Variants in MYO9B observed in about 807,000 individuals in gnomAD.
The protein encoded by MYO9B is myosin IXB, also known as unconventional myosin-IXb.
Under a neutral mutation model 229.5 loss-of-function variants are expected in MYO9B, and 71 were observed. The observed-to-expected ratio is 0.31, with a 90% CI of 0.26 to 0.38. The LOEUF (loss-of-function observed/expected upper bound fraction) is 0.38, where lower values mean the gene tolerates loss of function less well. Ranked by LOEUF, MYO9B falls within the 10% of genes least tolerant of loss-of-function variation. The pLI is 1.00. For missense variants in MYO9B, 2,255 were observed against 2,920.5 expected, an observed-to-expected ratio of 0.77 and a Z score of 5.25; for synonymous variants, 1,185 against 1,235.8, an observed-to-expected ratio of 0.96 and a Z score of 0.86.
intron 2 of MYO9B, among the ~76,000 whole-genome samples, chr19:17,140,490 ATTTCT>A (rs1485152421): frequency 2.8e-5 from 2 of 72,598 alleles, no homozygotes; most frequent in Non-Finnish European, 4.9e-5. Flanking sequence ...TTAGGGTTAG[ATTTCT>A]TTTTTTTTTT....
intron 20 of MYO9B, among the ~76,000 whole-genome samples, chr19:17,191,920 G>A (rs1472773912): frequency 6.6e-6 from 1 of 152,032 alleles, no homozygotes; most frequent in Non-Finnish European, 1.5e-5. Context: ...TTGCACCACT[G>A]CACTTCAGCC....
chr19:17,081,286 C>G (rs1314510174), intron 1 of MYO9B, among the ~76,000 whole-genome samples: 1 of 152,170 alleles, frequency 6.6e-6, no homozygotes, highest in African/African-American at 2.4e-5. Context: ...CTCGGACTCC[C>G]AAAGTGCTGG....
intron 1 of MYO9B, among the ~76,000 whole-genome samples, chr19:17,099,775 G>A (rs918829465): frequency 7.5e-5 from 11 of 146,394 alleles, no homozygotes; most frequent in African/African-American, 1.5e-4. Flanking sequence ...CCAAGATAGC[G>A]CCACTGCAGT....
chr19:17,183,870 T>C lies in MYO9B; in HGVS notation c.2373+2T>C. ...AAACAAAAGCAGATCATTCCAAAGG[T>C]AAAAAAAAAAACACACCCCGCGCGA... On this transcript the variant is annotated splice_donor_variant, in intron 16 of 39. Transcript: ENST00000682292. LOFTEE classifies it high-confidence loss of function. The C allele has an allele frequency of 8.2e-7, 1 of 1,216,388 alleles. No individual in the cohort carries two copies. The allele number at this position is 1,216,388 out of a possible 1,614,324, so 75.3% of individuals were successfully genotyped here. A position where few individuals can be genotyped will look rare whatever the true frequency, so the allele number is the denominator to read the frequency against.
In MYO9B at chr19:17,192,807, G is replaced by A; in HGVS notation, c.2873G>A (p.Arg958Gln). ...GAGACGCTGCACCGGGAGGTGGTGCGGAAAATCCTGCTGCTGCAGAGCTGG... is the reference window on the plus strand; with the variant it reads ...GAGACGCTGCACCGGGAGGTGGTGCAGAAAATCCTGCTGCTGCAGAGCTGG... The part of the protein sequence containing the change: ...LQETLHREVV[R>Q]KILLLQSWFR... Residue 958 changes from arginine (R) to glutamine (Q), a missense_variant, in exon 21 of 40, where the codon CGG (arginine) becomes CAG (glutamine). Physicochemically the swap from Arg to Gln is conservative, Grantham distance 43. Around this residue, in one of 7 missense-constraint regions of MYO9B, gnomAD observed 679 missense variants for 770.2 expected, o/e 0.88. Coordinates refer to ENST00000682292, the MANE Select transcript of MYO9B (RefSeq NM_004145.4). The A allele has an allele frequency of 6.4e-7, 1 of 1,557,258 alleles. No individual in the cohort carries two copies. The highest frequency in any genetic ancestry group is 8.7e-7 in the Non-Finnish European group (1 of 1,151,202).
In MYO9B at chr19:17,101,562, A is replaced by G; in HGVS notation, c.-58-98A>G. 2 of 1,230,658 alleles carry G rather than the reference A, an allele frequency of 1.6e-6. No individual in the cohort carries two copies. The highest frequency in any genetic ancestry group is 2.2e-6 in the Non-Finnish European group (2 of 915,866). 76.2% of individuals were successfully genotyped at this position (1,230,658 alleles called of 1,614,324 possible). A position where few individuals can be genotyped will look rare whatever the true frequency, so the allele number is the denominator to read the frequency against. The stretch of plus-strand genomic sequence containing the variant: ...GCCTAGTCGGGTGGGGAACTCCAGC[A>G]TCGGGTCAGGTGCTATCTGCCCAGG... On this transcript the variant is annotated intron_variant, in intron 1 of 39. Transcript: ENST00000682292. The surrounding 1 kb of genome is among the most constrained non-coding windows in gnomAD (Gnocchi z 4.7).
intron 36 of MYO9B, 97 bp downstream of exon 36, chr19:17,209,806 G>T: frequency 6.9e-7 from 1 of 1,442,738 alleles, no homozygotes; most frequent in Non-Finnish European, 9.3e-7. Flanking sequence ...GGGAAGGCTG[G>T]TGAGTGGGGT....
At chr19:17,103,735 GC>G (rs894137343) in intron 2 of MYO9B, 41 of 152,074 alleles carry the variant, frequency 2.7e-4, no homozygotes, top group African/African-American at 9.9e-4. Context: ...GGTCAGCCAG[GC>G]CCCAGATGTC....
chr19:17,099,989 C>T (rs1449627646), intron 1 of MYO9B, among the ~76,000 whole-genome samples: 3 of 150,448 alleles, frequency 2.0e-5, no homozygotes, highest in African/African-American at 7.4e-5. Flanking sequence ...GGCGTGGTGG[C>T]GGGGTGCCTG....
At chr19:17,161,989 A>C (rs1252992840) in intron 8 of MYO9B, among the ~76,000 whole-genome samples, 2,255 of 141,282 alleles carry the variant, frequency 0.016, 63 homozygotes, top group African/African-American at 0.06. Context: ...CCCTGTGTCA[A>C]AAAAAAAAAA....
intron 18 of MYO9B, 22 bp downstream of exon 18, chr19:17,186,023 G>A: frequency 6.2e-7 from 1 of 1,607,136 alleles, no homozygotes; most frequent in Middle Eastern, 1.7e-4. Flanking sequence ...TAAGGTGTTT[G>A]GGAGGAGAAG....
intron 26 of MYO9B, among the ~76,000 whole-genome samples, chr19:17,201,049 G>A (rs1185379871): frequency 1.3e-5 from 2 of 152,166 alleles, no homozygotes; most frequent in East Asian, 3.8e-4. Context: ...AACCAGCCTG[G>A]GCAACAGAGA....
At chr19:17,153,889 C>T (rs1478110394) in intron 4 of MYO9B, 78 bp from the exon 5 acceptor site, 4 of 1,027,734 alleles carry the variant, frequency 3.9e-6, no homozygotes, top group Non-Finnish European at 4.6e-6. Flanking sequence ...TCTCCAAAGC[C>T]ATGTTAGTAG....
intron 18 of MYO9B, among the ~76,000 whole-genome samples, chr19:17,186,841 C>T (rs942105086): frequency 1.3e-5 from 2 of 152,134 alleles, no homozygotes; most frequent in African/African-American, 4.8e-5. Context: ...AGCCATCCTC[C>T]TGGCTCACCC....
intron 2 of MYO9B, among the ~76,000 whole-genome samples, chr19:17,128,214 T>TG (rs1051725783): frequency 2.3e-5 from 2 of 87,072 alleles, no homozygotes; most frequent in African/African-American, 1.1e-4. Flanking sequence ...CTATCTATAC[T>TG]GAAAAAAAAA....
rs1463479226 is a variant in MYO9B, at chr19:17,172,737, G to T, written c.1936-22G>T. Reference sequence around the variant, plus strand: ...GGTGAGTGACTATCCCCGAGTGACCGCCCACATCCATCCCCCACCAGGACT... The same window carrying T: ...GGTGAGTGACTATCCCCGAGTGACCTCCCACATCCATCCCCCACCAGGACT... On this transcript the variant is annotated intron_variant, in intron 12 of 39. Transcript: ENST00000682292. The surrounding 1 kb of genome is among the most constrained non-coding windows in gnomAD (Gnocchi z 8.2). The T allele has an allele frequency of 6.2e-7, 1 of 1,611,672 alleles. No homozygotes were observed. The highest frequency in any genetic ancestry group is 1.7e-5 in the Admixed American group (1 of 60,006).
At chr19:17,076,744 A>T (rs2057488791) in intron 1 of MYO9B, among the ~76,000 whole-genome samples, 1 of 152,060 alleles carries the variant, frequency 6.6e-6, no homozygotes, top group South Asian at 2.1e-4. Context: ...GATTCCCTGG[A>T]TCCAAGGAAG....
At chr19:17,181,662 T>G (rs2072862490) in intron 15 of MYO9B, among the ~76,000 whole-genome samples, 1 of 152,224 alleles carries the variant, frequency 6.6e-6, no homozygotes, top group Admixed American at 6.5e-5. Context: ...ACATCTCGCC[T>G]TTTAGTGGCC....
chr19:17,077,846 G>A lies in MYO9B; in HGVS notation c.-59+1972G>A, dbSNP rs78440022. ...ATCCAAAAATGATTTTTTTTCAACC[G>A]CTTCTTCATCGTCCAAATAGAAAAT... is the stretch of plus-strand genomic sequence containing the variant. On this transcript the variant is annotated intron_variant, in intron 1 of 39. Transcript: ENST00000682292. 3.3e-4 allele frequency among the ~76,000 whole-genome samples: 50 copies of A among 151,868 alleles called. No individual in the cohort carries two copies. In the East Asian group the frequency reaches 7.0e-3, roughly 21 times the overall value.
Sources: allele counts gnomAD v4.1 joint callset (sites outside exome capture counted in the v4.1 genomes callset), GRCh38; gene constraint gnomAD v4.1.1; regional missense constraint gnomAD v4.1.1; non-coding constraint Gnocchi (gnomAD v3.1); transcripts MANE v1.5; gene names NCBI Gene and HGNC (gene_info 2026-07-23, HGNC 2026-07-21).